FYCO1: variants seen among roughly 807,000 people sequenced by gnomAD.
FYCO1 encodes the protein FYVE and coiled-coil domain-containing protein 1.
A neutral mutation model predicts 165.1 loss-of-function variants in FYCO1; 122 were observed. That is an observed-to-expected ratio of 0.74 (90% CI 0.64 to 0.86). The LOEUF is 0.86. FYCO1 is among the 40% of genes least tolerant of loss of function. The pLI is 0.00. For synonymous variants in FYCO1, 648 were observed against 742.5 expected, an observed-to-expected ratio of 0.87 and a Z score of 2.07; for missense variants, 1,702 against 1,810.3, an observed-to-expected ratio of 0.94 and a Z score of 1.09.
rs1703106855 is a variant in FYCO1 at position 45,921,840 on chromosome 3, C to A, written c.4362G>T (p.Arg1454Ser). The A allele has an allele frequency of 6.2e-7, 1 of 1,605,132 alleles. No individual in the cohort carries two copies. Among genetic ancestry groups the A allele is most frequent in the South Asian group, 1.1e-5 (1 of 90,904 alleles). The part of the protein sequence containing the change: ...YMLIFDNTFS[R>S]FVSKKVFYHL... ...GATAAAATACCTTTTTAGAGACAAA[C>A]CTGAGGAAACAGAAATGGAAAGGGA... The change falls in exon 18 of 18, where the codon AGG (arginine) becomes AGT (serine). Residue 1454 changes from arginine to serine, a missense_variant and splice_region_variant. Physicochemically the swap from Arg to Ser is moderately radical, Grantham distance 110. Transcript: ENST00000296137.
At chr3:45,945,201 T>G (rs972079991) in intron 14 of FYCO1, 1 of 152,248 alleles carries the variant, frequency 6.6e-6, no homozygotes, top group Non-Finnish European at 1.5e-5. Flanking sequence ...ATCGTTTATA[T>G]GCACTTGTCT....
At chr3:45,959,361 T>A in intron 12 of FYCO1, 32 bp downstream of exon 12, 1 of 1,613,068 alleles carries the variant, frequency 6.2e-7, no homozygotes, top group Non-Finnish European at 8.5e-7. Context: ...CCCACCAGGG[T>A]GTTGGTGCCA....
Position 45,965,017 on chromosome 3 carries a change from C to T in FYCO1, c.3150+16G>A. On this transcript the variant is annotated intron_variant, in intron 9 of 17. Coordinates refer to ENST00000296137, the MANE Select transcript of FYCO1 (RefSeq NM_024513.4). ...AGATGCCCTCTCCCTGACAGGTCTA[C>T]ACTACCAGGGCCTACCTTCAGCTTC... is the stretch of plus-strand genomic sequence containing the variant. 6 of 1,606,132 alleles carry T rather than the reference C, an allele frequency of 3.7e-6. No homozygotes were observed. Among genetic ancestry groups the T allele is most frequent in the Non-Finnish European group, 5.1e-6 (6 of 1,172,842 alleles).
intron 1 of FYCO1, among the ~76,000 whole-genome samples, chr3:45,985,956 TG>T (rs1169240383): frequency 1.3e-5 from 2 of 152,252 alleles, no homozygotes; most frequent in African/African-American, 4.8e-5. Flanking sequence ...AGACTAGAGT[TG>T]GCTGTGGTGG....
chr3:45,918,570 C>T lies in FYCO1; in HGVS notation c.*3195G>A, dbSNP rs1175334558. ...CCTAAAGAATTCTCATATGTAGAAT[C>T]ATGCGCACTTTTAAAACTGAAACTC... On this transcript the variant is annotated 3_prime_UTR_variant, in exon 18 of 18. Coordinates refer to ENST00000296137, the MANE Select transcript of FYCO1 (RefSeq NM_024513.4). 2 of 152,128 alleles carry T rather than the reference C, an allele frequency of 1.3e-5. No homozygotes were observed. Among genetic ancestry groups the T allele is most frequent in the Non-Finnish European group, 2.9e-5 (2 of 68,026 alleles). 9.4% of individuals were successfully genotyped at this position (152,128 alleles called of 1,614,324 possible). A position where few individuals can be genotyped will look rare whatever the true frequency, so the allele number is the denominator to read the frequency against.
At chr3:45,950,439 T>C (rs900334263) in intron 14 of FYCO1, among the ~76,000 whole-genome samples, 1 of 152,012 alleles carries the variant, frequency 6.6e-6, no homozygotes, top group Non-Finnish European at 1.5e-5. Context: ...GTGTCCTCCG[T>C]AGGTGTTCTG....
chr3:45,936,567 C>T (rs1451499705), intron 14 of FYCO1, 24 bp from the exon 15 acceptor site: 4 of 1,516,616 alleles, frequency 2.6e-6, no homozygotes, highest in Admixed American at 1.7e-5. Flanking sequence ...AATGAGAACA[C>T]AGTCATTTAG....
In FYCO1 at chr3:45,969,897, C is replaced by A. The variant is rs747247074; in HGVS notation, c.540-132G>T. 3 of 635,178 alleles carry A rather than the reference C, an allele frequency of 4.7e-6. No homozygotes were observed. The South Asian group carries it at 5.5e-5, about 12-fold the overall frequency. 39.3% of individuals were successfully genotyped at this position (635,178 alleles called of 1,614,324 possible). On this transcript the variant is annotated intron_variant, in intron 6 of 17. Transcript: ENST00000296137. ...CAGGTAGAATGTAAGAAAGTCAAAG[C>A]CAACAGATTCCACCAAAGAGCACAG...
At chr3:45,953,160 G>A (rs1207617955) in intron 14 of FYCO1, among the ~76,000 whole-genome samples, 2 of 152,148 alleles carry the variant, frequency 1.3e-5, no homozygotes, top group African/African-American at 4.8e-5. Flanking sequence ...CCCTTACAAT[G>A]GCAGCGTCAT....
chr3:45,933,983 A>G (rs1703762170), intron 15 of FYCO1, among the ~76,000 whole-genome samples: 1 of 150,374 alleles, frequency 6.7e-6, no homozygotes, highest in Admixed American at 6.6e-5. Context: ...AATAATTACA[A>G]TAACCAAAAT....
rs770159800 is a variant in FYCO1, at chr3:45,959,497, C to T, written c.3483G>A (p.Gln1161=). The T allele has an allele frequency of 1.4e-5, 22 of 1,614,048 alleles. No homozygotes were observed. The change falls in exon 12 of 18, where the codon CAG becomes CAA. Residue 1161 remains glutamine, a synonymous_variant. Coordinates refer to ENST00000296137, the MANE Select transcript of FYCO1 (RefSeq NM_024513.4). Reference sequence around the variant, plus strand: ...ATCTCTCCTCAGCACTGAGCTTCTGCTGGAATTCCAGGGCATCTGACTTCT... The same window carrying T: ...ATCTCTCCTCAGCACTGAGCTTCTGTTGGAATTCCAGGGCATCTGACTTCT... ...LWQKSDALEF[Q]QKLSAEERWL... is the part of the protein sequence containing the mutation.
chr3:45,968,812 G>GC (rs1355738072), intron 7 of FYCO1, 109 bp from the exon 8 acceptor site: 2 of 1,267,812 alleles, frequency 1.6e-6, no homozygotes, highest in East Asian at 2.3e-5. Context: ...GGCATTACCT[G>GC]CCCTAAGGTT....
chr3:45,980,344 T>G, intron 3 of FYCO1, among the ~76,000 whole-genome samples: 1 of 130,628 alleles, frequency 7.7e-6, no homozygotes, highest in Non-Finnish European at 1.7e-5. Context: ...AGTGAAACTC[T>G]GTCTCAAAGA....
chr3:45,927,559 T>C (rs1703382301), intron 16 of FYCO1, among the ~76,000 whole-genome samples: 1 of 152,158 alleles, frequency 6.6e-6, no homozygotes, highest in Non-Finnish European at 1.5e-5. Context: ...CTGACAAGGC[T>C]GGAGGGGACA....
chr3:45,971,202 G>T (rs71325099), intron 6 of FYCO1, among the ~76,000 whole-genome samples: 16,168 of 152,104 alleles, frequency 0.11, 1,141 homozygotes, highest in Non-Finnish European at 0.15. Context: ...AAGAATCCAT[G>T]AGTCAATACT....
chr3:45,989,861 T>C (rs1476212413), intron 1 of FYCO1, among the ~76,000 whole-genome samples: 1 of 152,132 alleles, frequency 6.6e-6, no homozygotes, highest in Non-Finnish European at 1.5e-5. Flanking sequence ...CAAGTCTTTT[T>C]TTAGTGAGGT....
intron 14 of FYCO1, among the ~76,000 whole-genome samples, chr3:45,944,506 C>T (rs1704456704): frequency 6.6e-6 from 1 of 152,124 alleles, no homozygotes; most frequent in South Asian, 2.1e-4. Flanking sequence ...CAGACTTTTA[C>T]ACTACTTCCA....
At chr3:45,941,316 C>T (rs1444226361) in intron 14 of FYCO1, 2 of 152,196 alleles carry the variant, frequency 1.3e-5, no homozygotes, top group Admixed American at 6.5e-5. Context: ...AGCAGGCCAA[C>T]AGTCTGACTT....
chr3:45,981,802 G>T, intron 2 of FYCO1, 126 bp from the exon 3 acceptor site: 1 of 717,388 alleles, frequency 1.4e-6, no homozygotes, highest in Non-Finnish European at 2.5e-6. Flanking sequence ...AACATAAAAG[G>T]GTATGTAAGT....
Sources: gnomAD v4.1 joint callset for allele counts (sites outside exome capture counted in the v4.1 genomes callset) on GRCh38, gnomAD v4.1.1 for gene constraint, MANE v1.5 for transcripts, NCBI Gene and HGNC (gene_info 2026-07-23, HGNC 2026-07-21) for gene names.